SLC7A2: variants seen among roughly 807,000 people sequenced by gnomAD.
The protein encoded by SLC7A2 is cationic amino acid transporter 2.
A neutral mutation model predicts 58.9 loss-of-function variants in SLC7A2; 48 were observed. That is an observed-to-expected ratio of 0.82 (90% CI 0.65 to 1.04). The LOEUF (loss-of-function observed/expected upper bound fraction) is 1.04. Ranked by LOEUF, SLC7A2 falls within the 50% of genes least tolerant of loss-of-function variation. The pLI is 0.00. For missense variants in SLC7A2, 1,029 were observed against 818.8 expected, an observed-to-expected ratio of 1.26 and a Z score of -3.13; for synonymous variants, 363 against 314.5, an observed-to-expected ratio of 1.15 and a Z score of -1.63.
intron 2 of SLC7A2, among the ~76,000 whole-genome samples, chr8:17,506,232 G>A (rs1034466895): frequency 3.3e-5 from 5 of 152,216 alleles, no homozygotes; most frequent in Non-Finnish European, 5.9e-5. Context: ...TACTAGAGCT[G>A]TGAAAACAAG....
intron 2 of SLC7A2, among the ~76,000 whole-genome samples, chr8:17,510,211 C>G (rs544315761): frequency 4.7e-5 from 7 of 149,222 alleles, no homozygotes; most frequent in Non-Finnish European, 7.4e-5. Context: ...CAGAGCAAGA[C>G]TCTGTCTCAA....
chr8:17,544,682 T>G (rs1196441283), intron 4 of SLC7A2, 76 bp downstream of exon 4: 2 of 1,343,436 alleles, frequency 1.5e-6, no homozygotes, highest in Non-Finnish European at 2.1e-6. Flanking sequence ...CTTCTGAATT[T>G]GGGGCCTGAG....
intron 2 of SLC7A2, among the ~76,000 whole-genome samples, chr8:17,533,730 A>G (rs1302845960): frequency 1.3e-5 from 2 of 152,250 alleles, no homozygotes; most frequent in Non-Finnish European, 2.9e-5. Flanking sequence ...ACTAATCCAG[A>G]GAAAAGTGAA....
intron 2 of SLC7A2, among the ~76,000 whole-genome samples, chr8:17,530,524 C>T (rs1801405202): frequency 1.3e-5 from 2 of 151,520 alleles, no homozygotes; most frequent in Non-Finnish European, 2.9e-5. Flanking sequence ...AGGCAAGTTG[C>T]TGAAGTTAGT....
At position 17,565,093 on chromosome 8, in the gene SLC7A2, C is replaced by A. The variant is rs151179886; in HGVS notation, c.1924C>A (p.Pro642Thr). 5 of 1,613,702 alleles carry A rather than the reference C, an allele frequency of 3.1e-6. No homozygotes were observed. The African/African-American group carries it at 5.3e-5, about 17-fold the overall frequency. Reference sequence around the variant, plus strand: ...TGCCATTCAAGCAAATGACCATCACCCAAGAAATCTCAGTTCACCTTTCAT... The same window carrying A: ...TGCCATTCAAGCAAATGACCATCACACAAGAAATCTCAGTTCACCTTTCAT... ...KSAIQANDHH[P>T]RNLSSPFIFH... Residue 642 changes from proline (P) to threonine (T), a missense_variant, in exon 13 of 13, where the codon CCA (proline) becomes ACA (threonine). Coordinates refer to ENST00000494857, the MANE Select transcript of SLC7A2 (RefSeq NM_001370338.1).
At chr8:17,557,813 G>A (rs1386582183) in intron 8 of SLC7A2, among the ~76,000 whole-genome samples, 1 of 151,366 alleles carries the variant, frequency 6.6e-6, no homozygotes, top group African/African-American at 2.4e-5. Flanking sequence ...GGGTGACAAA[G>A]TGAGCCCTGT....
chr8:17,526,200 T>G (rs1801216798), intron 2 of SLC7A2, among the ~76,000 whole-genome samples: 1 of 152,152 alleles, frequency 6.6e-6, no homozygotes, highest in Admixed American at 6.5e-5. Context: ...AAGGTTTCAT[T>G]GTAGCTGCCA....
chr8:17,499,339 C>G (rs958247249), intron 1 of SLC7A2: 1 of 148,772 alleles, frequency 6.7e-6, no homozygotes, highest in African/African-American at 2.5e-5. Context: ...TCCTCTCTCT[C>G]TGTCTCTCTC....
intron 2 of SLC7A2, 57 bp from the exon 3 acceptor site, chr8:17,543,261 A>G: frequency 6.7e-7 from 1 of 1,501,964 alleles, no homozygotes. Flanking sequence ...AAGCTAGGTT[A>G]CCAAAGGGAG....
At chr8:17,519,048 A>G (rs1800912521) in intron 2 of SLC7A2, among the ~76,000 whole-genome samples, 1 of 152,138 alleles carries the variant, frequency 6.6e-6, no homozygotes, top group Non-Finnish European at 1.5e-5. Flanking sequence ...GATCTCATCT[A>G]GCCCTAATTA....
chr8:17,546,359 T>C (rs1352719659), intron 4 of SLC7A2, among the ~76,000 whole-genome samples: 1 of 152,368 alleles, frequency 6.6e-6, no homozygotes, highest in Non-Finnish European at 1.5e-5. Context: ...GTTCTTAGAA[T>C]CTCTGAAGAT....
chr8:17,516,968 A>G (rs1416045192), intron 2 of SLC7A2, among the ~76,000 whole-genome samples: 1 of 152,216 alleles, frequency 6.6e-6, no homozygotes, highest in Non-Finnish European at 1.5e-5. Context: ...CCCTGTCCCC[A>G]CAATCAACAC....
intron 7 of SLC7A2, among the ~76,000 whole-genome samples, chr8:17,554,155 GTCTTT>G (rs912202224): frequency 7.2e-5 from 11 of 152,124 alleles, no homozygotes; most frequent in African/African-American, 2.4e-4. Context: ...AAATTACTTA[GTCTTT>G]TCTTTAATTA....
At chr8:17,529,174 C>T (rs1801336180) in intron 2 of SLC7A2, among the ~76,000 whole-genome samples, 1 of 152,204 alleles carries the variant, frequency 6.6e-6, no homozygotes, top group South Asian at 2.1e-4. Flanking sequence ...TATTTAGACA[C>T]TTCTGCTGCA....
intron 9 of SLC7A2, among the ~76,000 whole-genome samples, chr8:17,559,351 G>T (rs1802853546): frequency 6.6e-6 from 1 of 152,146 alleles, no homozygotes; most frequent in African/African-American, 2.4e-5. Flanking sequence ...GGTGGAAGGG[G>T]AAGCAAACAT....
At chr8:17,533,180 T>G (rs2517245) in intron 2 of SLC7A2, among the ~76,000 whole-genome samples, 1 of 151,906 alleles carries the variant, frequency 6.6e-6, no homozygotes, top group Non-Finnish European at 1.5e-5. Flanking sequence ...AGTATGAACT[T>G]GCAAACTTCT....
At chr8:17,513,885 T>G (rs541936945) in intron 2 of SLC7A2, among the ~76,000 whole-genome samples, 1 of 152,148 alleles carries the variant, frequency 6.6e-6, no homozygotes, top group Non-Finnish European at 1.5e-5. Context: ...GCCAAAAACC[T>G]GTCATCCTGC....
chr8:17,504,191 T>G (rs1208203762), intron 2 of SLC7A2, among the ~76,000 whole-genome samples: 2 of 152,200 alleles, frequency 1.3e-5, no homozygotes, highest in African/African-American at 4.8e-5. Context: ...ATGGCACTGC[T>G]GAGTGTTTAG....
At chr8:17,554,746 C>G in intron 8 of SLC7A2, 47 bp downstream of exon 8, 1 of 1,554,104 alleles carries the variant, frequency 6.4e-7, no homozygotes, top group South Asian at 1.2e-5. Context: ...TCTTTTTCAT[C>G]AAGGACTCTG....
Sources: allele counts gnomAD v4.1 joint callset (sites outside exome capture counted in the v4.1 genomes callset), GRCh38; gene constraint gnomAD v4.1.1; transcripts MANE v1.5; gene names NCBI Gene and HGNC (gene_info 2026-07-23, HGNC 2026-07-21).